KAT2B: variants seen among roughly 807,000 people sequenced by gnomAD.
The protein encoded by KAT2B is lysine acetyltransferase 2B.
In KAT2B, 36 loss-of-function variants were observed where a neutral mutation model predicts 105.9. The observed-to-expected ratio is 0.34, with a 90% CI of 0.26 to 0.45. The LOEUF (loss-of-function observed/expected upper bound fraction) is 0.45. Ranked by LOEUF, KAT2B falls within the 20% of genes least tolerant of loss-of-function variation. KAT2B has a pLI of 1.00. For missense variants in KAT2B, 820 were observed against 1,021.6 expected (o/e 0.80, Z 2.69); for synonymous variants, 397 against 377.9 (o/e 1.05, Z -0.59).
At chr3:20,141,876 A>G (rs1202642413) in intron 13 of KAT2B, among the ~76,000 whole-genome samples, 3 of 150,068 alleles carry the variant, frequency 2.0e-5, no homozygotes, top group African/African-American at 7.4e-5. Context: ...AGGCACTTGG[A>G]AGAGTTAATA....
At position 20,152,582 on chromosome 3, in the gene KAT2B, G is replaced by T; in HGVS notation, c.*57G>T. 7.1e-7 allele frequency: 1 copy of T among 1,403,396 alleles called. No homozygotes were observed. The highest frequency in any genetic ancestry group is 9.9e-7 in the Non-Finnish European group (1 of 1,012,520). The allele number at this position is 1,403,396 out of a possible 1,614,324, so 86.9% of individuals were successfully genotyped here. A position where few individuals can be genotyped will look rare whatever the true frequency, so the allele number is the denominator to read the frequency against. On this transcript the variant is annotated 3_prime_UTR_variant, in exon 18 of 18. Transcript: ENST00000263754. ...CCAAGCAGTGTGCCTAAAGCAAGGT[G>T]GTTTAGTTTTTTACAAAGAATTGGA...
intron 2 of KAT2B, among the ~76,000 whole-genome samples, chr3:20,084,586 A>T (rs369438321): frequency 6.6e-6 from 1 of 152,160 alleles, no homozygotes; most frequent in South Asian, 2.1e-4. Flanking sequence ...AAATAAATAA[A>T]TAATTAATAA....
chr3:20,138,794 T>G (rs971728380), intron 12 of KAT2B, among the ~76,000 whole-genome samples: 5 of 152,230 alleles, frequency 3.3e-5, no homozygotes, highest in Non-Finnish European at 7.3e-5. Context: ...TAACCTTGGA[T>G]AATATTTGTT....
rs139743528 is a variant in KAT2B at position 20,081,878 on chromosome 3, C to CAT, written c.430+9430_430+9431dup. 1.5e-4 allele frequency among the ~76,000 whole-genome samples: 21 copies of CAT among 140,530 alleles called. 1 individual carries two copies. The highest frequency in any genetic ancestry group is 4.1e-4 in the East Asian group (2 of 4,874). The allele number at this position is 140,530 out of a possible 152,430, so 92.2% of individuals were successfully genotyped here. On this transcript the variant is annotated intron_variant, in intron 2 of 17. Transcript: ENST00000263754. ...TTTATTTTATTTGCTGTCATTGGCT[C>CAT]ATATATATATATGTATAAATGTATA... is the stretch of plus-strand genomic sequence containing the variant.
Position 20,041,113 on chromosome 3 carries a change from A to T in KAT2B, c.303+333A>T, listed in dbSNP as rs374488257. 3.2e-3 allele frequency among the ~76,000 whole-genome samples: 480 copies of T among 151,982 alleles called. 2 individuals carry two copies. The highest frequency in any genetic ancestry group is 0.011 in the African/African-American group (446 of 41,474). On this transcript the variant is annotated intron_variant, in intron 1 of 17. Coordinates refer to ENST00000263754, the MANE Select transcript of KAT2B (RefSeq NM_003884.5). ...GCTGGAGTCACTTTCCCGGGAGTGGAGCGGTGCTCTCCATGTGGCGGGTGA... is the reference window on the plus strand; with the variant it reads ...GCTGGAGTCACTTTCCCGGGAGTGGTGCGGTGCTCTCCATGTGGCGGGTGA...
intron 5 of KAT2B, among the ~76,000 whole-genome samples, chr3:20,109,123 G>A (rs1041621599): frequency 9.2e-5 from 14 of 152,126 alleles, no homozygotes; most frequent in African/African-American, 2.7e-4. Context: ...ATGTATTCCC[G>A]TTGTTAAGCA....
At chr3:20,149,881 G>A (rs187473362) in intron 17 of KAT2B, among the ~76,000 whole-genome samples, 2 of 152,266 alleles carry the variant, frequency 1.3e-5, no homozygotes, top group Non-Finnish European at 2.9e-5. Flanking sequence ...ACTGATTTTT[G>A]CATCCTCTTC....
chr3:20,068,312 C>A (rs189853455), intron 1 of KAT2B, among the ~76,000 whole-genome samples: 45 of 151,610 alleles, frequency 3.0e-4, no homozygotes, highest in Non-Finnish European at 5.0e-4. Context: ...GGTTTAATTT[C>A]AACACGTCTT....
Position 20,152,429 on chromosome 3 carries a change from G to A in KAT2B, c.2403G>A (p.Glu801=). The A allele has an allele frequency of 3.7e-6, 6 of 1,613,334 alleles. No individual in the cohort carries two copies. The highest frequency in any genetic ancestry group is 5.1e-6 in the Non-Finnish European group (6 of 1,179,438). ...DLQRVFTNCK[E]YNPPESEYYK... is the part of the protein sequence containing the mutation. Reference sequence around the variant, plus strand: ...AGCGAGTCTTTACCAATTGCAAAGAGTACAACCCCCCTGAGAGTGAATACT... The same window carrying A: ...AGCGAGTCTTTACCAATTGCAAAGAATACAACCCCCCTGAGAGTGAATACT... Residue 801 remains glutamate (E), a synonymous_variant, in exon 18 of 18, where the codon GAG becomes GAA. Coordinates refer to ENST00000263754, the MANE Select transcript of KAT2B (RefSeq NM_003884.5).
At chr3:20,063,463 G>C (rs1411390455) in intron 1 of KAT2B, among the ~76,000 whole-genome samples, 1 of 148,282 alleles carries the variant, frequency 6.7e-6, no homozygotes, top group Admixed American at 6.8e-5. Flanking sequence ...TTTGAGATGG[G>C]GTCTCGCCCT....
intron 2 of KAT2B, among the ~76,000 whole-genome samples, chr3:20,075,889 A>C (rs891226351): frequency 6.7e-6 from 1 of 149,304 alleles, no homozygotes; most frequent in African/African-American, 2.5e-5. Context: ...CCTGGGCGAC[A>C]GAGCGAGACT....
chr3:20,087,413 G>T (rs1027137008), intron 2 of KAT2B, among the ~76,000 whole-genome samples: 4 of 151,340 alleles, frequency 2.6e-5, no homozygotes, highest in Non-Finnish European at 5.9e-5. Context: ...TATATTTATC[G>T]TGTATAATGT....
chr3:20,047,074 C>CT (rs141129248), intron 1 of KAT2B, among the ~76,000 whole-genome samples: 1 of 115,228 alleles, frequency 8.7e-6, no homozygotes, highest in South Asian at 3.9e-4. Context: ...TTTTGTTTTG[C>CT]CCCCCCCTTT....
At chr3:20,126,561 G>A (rs1012141513) in intron 10 of KAT2B, among the ~76,000 whole-genome samples, 4 of 151,172 alleles carry the variant, frequency 2.6e-5, no homozygotes, top group African/African-American at 4.9e-5. Context: ...GGTGGCTCAT[G>A]CCTGTAATCC....
intron 6 of KAT2B, 99 bp downstream of exon 6, chr3:20,111,886 G>A: frequency 8.5e-6 from 8 of 936,284 alleles, no homozygotes; most frequent in Non-Finnish European, 1.3e-5. Flanking sequence ...GGAAATGACA[G>A]AAGAAACATT....
At chr3:20,069,989 T>A (rs2623077) in intron 1 of KAT2B, among the ~76,000 whole-genome samples, 2 of 152,064 alleles carry the variant, frequency 1.3e-5, no homozygotes, top group East Asian at 3.9e-4. Context: ...AGGTGGATGG[T>A]TCATTACAGA....
chr3:20,121,587 G>A (rs1046591098), intron 8 of KAT2B, among the ~76,000 whole-genome samples: 2 of 151,610 alleles, frequency 1.3e-5, no homozygotes, highest in Admixed American at 6.6e-5. Flanking sequence ...TCATTTTAGG[G>A]CAAAAAAGCA....
At chr3:20,064,319 A>C (rs1249023211) in intron 1 of KAT2B, among the ~76,000 whole-genome samples, 3 of 152,208 alleles carry the variant, frequency 2.0e-5, no homozygotes, top group African/African-American at 7.2e-5. Context: ...CATGTTCATC[A>C]CCTCAATCAC....
At chr3:20,096,675 C>T (rs7630581) in intron 3 of KAT2B, among the ~76,000 whole-genome samples, 60,858 of 151,940 alleles carry the variant, frequency 0.4, 12,753 homozygotes, top group East Asian at 0.64. Flanking sequence ...ATGACAAAAA[C>T]AGCTAAATTT....
Sources: allele counts gnomAD v4.1 joint callset (sites outside exome capture counted in the v4.1 genomes callset), GRCh38; gene constraint gnomAD v4.1.1; transcripts MANE v1.5; gene names NCBI Gene and HGNC (gene_info 2026-07-23, HGNC 2026-07-21).